NKTR: variants seen among roughly 807,000 people sequenced by gnomAD.
NKTR encodes the protein NK-tumor recognition protein.
In NKTR, 67 loss-of-function variants were observed where a neutral mutation model predicts 156.3. That is an observed-to-expected ratio of 0.43 (90% confidence interval 0.35 to 0.53). The LOEUF (loss-of-function observed/expected upper bound fraction) is 0.53. NKTR is among the 20% of genes least tolerant of loss of function. The pLI is 0.01. For missense variants in NKTR, 1,604 were observed against 1,730.9 expected, an observed-to-expected ratio of 0.93 and a Z score of 1.30; for synonymous variants, 640 against 596.6, an observed-to-expected ratio of 1.07 and a Z score of -1.06.
Position 42,645,893 on chromosome 3 carries a change from G to A in NKTR, c.4307G>A (p.Cys1436Tyr), listed in dbSNP as rs760338373. Residue 1436 changes from cysteine (C) to tyrosine (Y), a missense_variant, in exon 17 of 17, where the codon TGT becomes TAT. Coordinates refer to ENST00000232978, the MANE Select transcript of NKTR (RefSeq NM_005385.4). Reference sequence around the variant, plus strand: ...ATTTTGTTTTGTTATTACAGGAGTTGTAGATCTTATGGCTCTGACAGTGAA... The same window carrying A: ...ATTTTGTTTTGTTATTACAGGAGTTATAGATCTTATGGCTCTGACAGTGAA... ...GRSYNRRSRS[C>Y]RSYGSDSESD... 2 of 1,609,042 alleles carry A rather than the reference G, an allele frequency of 1.2e-6. No homozygotes were observed. The highest frequency in any genetic ancestry group is 1.7e-6 in the Non-Finnish European group (2 of 1,176,416).
At chr3:42,645,831 G>A in intron 16 of NKTR, 57 bp from the exon 17 acceptor site, 1 of 1,216,188 alleles carries the variant, frequency 8.2e-7, no homozygotes, top group Non-Finnish European at 1.2e-6. Context: ...AGCTATAAGA[G>A]GAATTCAAAG....
chr3:42,641,092 C>T (rs558277647), intron 13 of NKTR, among the ~76,000 whole-genome samples: 47 of 152,308 alleles, frequency 3.1e-4, no homozygotes, highest in South Asian at 1.9e-3. Flanking sequence ...ATGCAGCTAA[C>T]AGGTAGTAGA....
intron 12 of NKTR, 44 bp downstream of exon 12, chr3:42,635,410 T>G: frequency 1.4e-6 from 2 of 1,464,838 alleles, no homozygotes; most frequent in Non-Finnish European, 1.9e-6. Context: ...CTGTTATATT[T>G]TAAATGTTAA....
At chr3:42,626,854 G>T (rs1708439195) in intron 6 of NKTR, among the ~76,000 whole-genome samples, 2 of 152,114 alleles carry the variant, frequency 1.3e-5, no homozygotes, top group African/African-American at 4.8e-5. Flanking sequence ...ATGTATGCAA[G>T]ATACACTATT....
chr3:42,635,465 AAGATTCAC>A, intron 12 of NKTR, 99 bp downstream of exon 12: 1 of 942,802 alleles, frequency 1.1e-6, no homozygotes, highest in South Asian at 1.9e-5. Context: ...GATTCAGTGA[AAGATTCAC>A]AGTCAGACTG....
intron 2 of NKTR, among the ~76,000 whole-genome samples, chr3:42,611,937 C>G (rs1193268919): frequency 6.6e-6 from 1 of 151,650 alleles, no homozygotes; most frequent in African/African-American, 2.4e-5. Flanking sequence ...CTTGTCTCAA[C>G]AAAAAATACA....
In NKTR at chr3:42,647,442, G is replaced by GT. The variant is rs1009144474; in HGVS notation, c.*1468dup. On this transcript the variant is annotated 3_prime_UTR_variant, in exon 17 of 17. Coordinates refer to ENST00000232978, the MANE Select transcript of NKTR (RefSeq NM_005385.4). ...TCAGCACCACCCTACCACAGGCCTT[G>GT]TCTGGTGTATTTGGGAAGTGGAAAA... 2 of 151,976 alleles carry GT rather than the reference G, an allele frequency of 1.3e-5. No individual in the cohort carries two copies. The highest frequency in any genetic ancestry group is 4.8e-5 in the African/African-American group (2 of 41,364). 9.4% of individuals were successfully genotyped at this position (151,976 alleles called of 1,614,324 possible).
At chr3:42,602,677 C>T (rs1559545230) in intron 2 of NKTR, 1 of 147,576 alleles carries the variant, frequency 6.8e-6, no homozygotes, top group Non-Finnish European at 1.5e-5. Flanking sequence ...CCTTGATGGA[C>T]CTTAATCTTT....
intron 5 of NKTR, 75 bp downstream of exon 5, chr3:42,619,783 GAA>G (rs2125783515): frequency 1.3e-6 from 2 of 1,575,726 alleles, no homozygotes; most frequent in Admixed American, 1.9e-5. Context: ...CTTTTAATGA[GAA>G]GAGGTTTACT....
chr3:42,633,358 A>T, intron 9 of NKTR: 4 of 1,312,060 alleles, frequency 3.0e-6, no homozygotes, highest in Non-Finnish European at 2.9e-6. Context: ...AACTCTTAAA[A>T]TAAAAAAGTT....
intron 11 of NKTR, 164 bp from the exon 12 acceptor site, chr3:42,635,057 T>TAAAAAAAAAAAAAAAAAAA (rs58779310): frequency 3.7e-6 from 1 of 273,632 alleles, no homozygotes. Flanking sequence ...AGTTAAAAAC[T>TAAAAAAAAAAAAAAAAAAA]AAAAAAAAAA....
At chr3:42,635,965 A>T (rs577265490) in intron 12 of NKTR, among the ~76,000 whole-genome samples, 18 of 152,282 alleles carry the variant, frequency 1.2e-4, no homozygotes, top group African/African-American at 4.3e-4. Flanking sequence ...TTTCCTAGCC[A>T]GCCAGGTCAC....
chr3:42,604,841 A>G (rs1290021353), intron 2 of NKTR, among the ~76,000 whole-genome samples: 1 of 151,282 alleles, frequency 6.6e-6, no homozygotes, highest in African/African-American at 2.4e-5. Flanking sequence ...GGTGTGAGCT[A>G]CCATGCCTGG....
In NKTR at chr3:42,609,139, A is replaced by AGAAG. The variant is rs1553656425; in HGVS notation, c.58+8075_58+8076insGAAG. ...CAAGACTCATATATCAAAAAAAAAA[A>AGAAG]AAGAAGAAAGATCAAATAGAACAAA... On this transcript the variant is annotated intron_variant, in intron 2 of 16. Coordinates refer to ENST00000232978, the MANE Select transcript of NKTR (RefSeq NM_005385.4). 0.01 allele frequency among the ~76,000 whole-genome samples: 1,527 copies of AGAAG among 151,528 alleles called. 47 individuals are homozygous for AGAAG. In the East Asian group the frequency reaches 0.1, roughly 10 times the overall value.
At chr3:42,628,442 GA>G in intron 6 of NKTR, 1 of 985,368 alleles carries the variant, frequency 1.0e-6, no homozygotes, top group South Asian at 4.7e-5. Context: ...CACTACTCTG[GA>G]ATGTTTTATT....
At position 42,638,193 on chromosome 3, in the gene NKTR, A is replaced by C; in HGVS notation, c.2489A>C (p.Gln830Pro). 2 of 1,613,456 alleles carry C rather than the reference A, an allele frequency of 1.2e-6. No individual in the cohort carries two copies. The highest frequency in any genetic ancestry group is 1.7e-6 in the Non-Finnish European group (2 of 1,179,886). The change falls in exon 13 of 17, where the codon CAA becomes CCA. Residue 830 changes from glutamine to proline, a missense_variant. Physicochemically the swap from Gln to Pro is moderately conservative, Grantham distance 76. Around this residue, in one of 6 missense-constraint regions of NKTR, gnomAD observed 1,255 missense variants for 1,243.7 expected, o/e 1.01. Transcript: ENST00000232978. ...QSAQEKEKQGQMERTHNKQEK... is the reference protein window; with the variant it reads ...QSAQEKEKQGPMERTHNKQEK... Reference sequence around the variant, plus strand: ...GCCCAGGAAAAAGAGAAGCAGGGCCAAATGGAAAGAACACATAATAAACAA... The same window carrying C: ...GCCCAGGAAAAAGAGAAGCAGGGCCCAATGGAAAGAACACATAATAAACAA...
At chr3:42,626,695 A>G (rs1043364487) in intron 6 of NKTR, among the ~76,000 whole-genome samples, 1 of 152,152 alleles carries the variant, frequency 6.6e-6, no homozygotes, top group East Asian at 1.9e-4. Context: ...ATGTAGAAGC[A>G]TGAAAGGTTC....
rs1246767373 is a variant in NKTR at position 42,638,621 on chromosome 3, A to G, written c.2917A>G (p.Lys973Glu). 6.2e-7 allele frequency: 1 copy of G among 1,613,366 alleles called. No individual in the cohort carries two copies. The highest frequency in any genetic ancestry group is 1.3e-5 in the African/African-American group (1 of 74,850). The change falls in exon 13 of 17, where the codon AAG (lysine) becomes GAG (glutamate). Residue 973 changes from lysine to glutamate, a missense_variant. By Grantham distance (56) the Lys-to-Glu change is moderately conservative. Around this residue, in one of 6 missense-constraint regions of NKTR, gnomAD observed 1,255 missense variants for 1,243.7 expected, o/e 1.01. Coordinates refer to ENST00000232978, the MANE Select transcript of NKTR (RefSeq NM_005385.4). Reference protein sequence around the residue: ...SCSNSENNRGKPQKHKHGSKE... With the variant: ...SCSNSENNRGEPQKHKHGSKE... ...TTCCAATTCGGAAAACAATAGGGGA[A>G]AGCCACAAAAGCACAAACATGGGTC...
Position 42,637,647 on chromosome 3 carries a change from G to A in NKTR, c.1943G>A (p.Ser648Asn). 6.2e-7 allele frequency: 1 copy of A among 1,612,228 alleles called. No homozygotes were observed. Among genetic ancestry groups the A allele is most frequent in the South Asian group, 1.1e-5 (1 of 90,642 alleles). ...ACAACCCATTTGCTACCCATCCAAA[G>A]CACTTACAGTTTAGCAAATATTAAA... The part of the protein sequence containing the change: ...AKTTHLLPIQ[S>N]TYSLANIKET... The change falls in exon 13 of 17, where the codon AGC becomes AAC. Residue 648 changes from serine (S) to asparagine (N), a missense_variant. By Grantham distance (46) the Ser-to-Asn change is conservative (BLOSUM62 1). Transcript: ENST00000232978.
Sources: gnomAD v4.1 joint callset for allele counts (sites outside exome capture counted in the v4.1 genomes callset) on GRCh38, gnomAD v4.1.1 for gene constraint, gnomAD v4.1.1 regional missense constraint, MANE v1.5 for transcripts, NCBI Gene and HGNC (gene_info 2026-07-23, HGNC 2026-07-21) for gene names.